Variants in ESR2 observed in about 807,000 individuals in gnomAD.
The protein encoded by ESR2 is estrogen receptor beta.
In ESR2, 36 loss-of-function variants were observed where a neutral mutation model predicts 49.6. The observed-to-expected ratio is 0.73, with a 90% CI of 0.56 to 0.96. The LOEUF (loss-of-function observed/expected upper bound fraction) is 0.96, where lower values mean the gene tolerates loss of function less well. Ranked by LOEUF, ESR2 falls within the 40% of genes least tolerant of loss-of-function variation. The pLI is 0.00. For synonymous variants in ESR2, 320 were observed against 266.1 expected, an observed-to-expected ratio of 1.20 and a Z score of -1.97; for missense variants, 714 against 693.0, an observed-to-expected ratio of 1.03 and a Z score of -0.34.
intron 7 of ESR2, among the ~76,000 whole-genome samples, chr14:64,247,081 C>G (rs992638136): frequency 6.6e-6 from 1 of 152,152 alleles, no homozygotes; most frequent in Non-Finnish European, 1.5e-5. Flanking sequence ...ATCCTGTGCT[C>G]TCTCCAGAGC....
intron 1 of ESR2, among the ~76,000 whole-genome samples, chr14:64,290,813 G>T (rs1383723057): frequency 6.6e-6 from 1 of 152,178 alleles, no homozygotes. Context: ...TAACTGATTT[G>T]CATGTAATTC....
chr14:64,281,882 C>T (rs145063815), intron 2 of ESR2, among the ~76,000 whole-genome samples: 1 of 152,318 alleles, frequency 6.6e-6, no homozygotes, highest in Non-Finnish European at 1.5e-5. Flanking sequence ...TCTTTTCATG[C>T]TTCGCATGTC....
At chr14:64,265,603 G>C (rs1409618469) in intron 4 of ESR2, among the ~76,000 whole-genome samples, 2 of 152,124 alleles carry the variant, frequency 1.3e-5, no homozygotes, top group Non-Finnish European at 2.9e-5. Context: ...AAAATATGTT[G>C]AGCTATTGTC....
At chr14:64,310,534 C>T (rs1272707989) in intron 1 of ESR2, among the ~76,000 whole-genome samples, 1 of 149,586 alleles carries the variant, frequency 6.7e-6, no homozygotes, top group Admixed American at 6.7e-5. Context: ...TGCAGTAGTA[C>T]GATCTTGGCT....
intron 3 of ESR2, among the ~76,000 whole-genome samples, chr14:64,270,925 T>G (rs1429379704): frequency 1.3e-5 from 2 of 152,246 alleles, no homozygotes; most frequent in African/African-American, 2.4e-5. Flanking sequence ...CCATGTTTGT[T>G]GCAGCATTGT....
chr14:64,269,560 C>T (rs1399888854), intron 3 of ESR2, among the ~76,000 whole-genome samples: 1 of 152,128 alleles, frequency 6.6e-6, no homozygotes, highest in African/African-American at 2.4e-5. Flanking sequence ...AATGATATAT[C>T]AATAGATGTG....
chr14:64,243,784 C>A (rs2075791986), intron 7 of ESR2, among the ~76,000 whole-genome samples: 1 of 152,114 alleles, frequency 6.6e-6, no homozygotes, highest in African/African-American at 2.4e-5. Flanking sequence ...GATTGTTTCG[C>A]CCGCTCCTTT....
chr14:64,306,709 T>C (rs1019354514), intron 1 of ESR2, among the ~76,000 whole-genome samples: 1 of 152,230 alleles, frequency 6.6e-6, no homozygotes, highest in African/African-American at 2.4e-5. Context: ...TTTTTGCACC[T>C]GTGTTCCTGA....
At chr14:64,242,028 A>T (rs1335407805) in intron 7 of ESR2, among the ~76,000 whole-genome samples, 5 of 152,164 alleles carry the variant, frequency 3.3e-5, no homozygotes, top group Non-Finnish European at 2.9e-5. Flanking sequence ...CCTTTAATGG[A>T]TTGAGGAAGT....
At chr14:64,238,891 C>T (rs549244958) in intron 7 of ESR2, among the ~76,000 whole-genome samples, 62 of 152,302 alleles carry the variant, frequency 4.1e-4, no homozygotes, top group African/African-American at 1.4e-3. Flanking sequence ...CTCACCAGCC[C>T]ACCTGGTGAC....
intron 1 of ESR2, among the ~76,000 whole-genome samples, chr14:64,290,408 A>G (rs1225361717): frequency 6.6e-6 from 1 of 151,136 alleles, no homozygotes; most frequent in African/African-American, 2.4e-5. Flanking sequence ...TTATTTATTT[A>G]TTTATTTATT....
At chr14:64,307,128 T>C (rs2077112003) in intron 1 of ESR2, among the ~76,000 whole-genome samples, 1 of 152,034 alleles carries the variant, frequency 6.6e-6, no homozygotes, top group African/African-American at 2.4e-5. Flanking sequence ...CCTTCATTCC[T>C]GATATTTGCA....
intron 1 of ESR2, chr14:64,303,724 T>C (rs937553048): frequency 7.2e-5 from 11 of 152,222 alleles, no homozygotes; most frequent in African/African-American, 2.7e-4. Context: ...TGTTGAAATA[T>C]ATAGAGAGCT....
chr14:64,329,609 T>C (rs1462560069), intron 1 of ESR2: 1 of 111,654 alleles, frequency 9.0e-6, no homozygotes, highest in Non-Finnish European at 1.7e-5. Context: ...ACCCTGCCTC[T>C]ATCAAAAAAA....
At chr14:64,255,999 T>A (rs1449221405) in intron 6 of ESR2, among the ~76,000 whole-genome samples, 4 of 152,250 alleles carry the variant, frequency 2.6e-5, no homozygotes, top group Non-Finnish European at 5.9e-5. Context: ...TCACTCTTCA[T>A]CTGTGTAACA....
At chr14:64,289,835 G>T (rs1053340220) in intron 1 of ESR2, among the ~76,000 whole-genome samples, 6 of 152,076 alleles carry the variant, frequency 3.9e-5, no homozygotes, top group Non-Finnish European at 8.8e-5. Context: ...CAGACTAGGA[G>T]GATAAGTCTA....
chr14:64,241,582 A>G (rs920792974), intron 7 of ESR2, among the ~76,000 whole-genome samples: 13 of 152,196 alleles, frequency 8.5e-5, no homozygotes, highest in Non-Finnish European at 1.5e-5. Flanking sequence ...TTTATTCAGG[A>G]TTTCTTTAAT....
At chr14:64,260,045 C>G in intron 5 of ESR2, 1 of 446,154 alleles carries the variant, frequency 2.2e-6, no homozygotes, top group Admixed American at 2.4e-5. Flanking sequence ...CCTCCCAGAC[C>G]ACCTCTAGGC....
chr14:64,232,780 T>A lies in ESR2; in HGVS notation c.*357A>T, dbSNP rs2098728487. On this transcript the variant is annotated 3_prime_UTR_variant, in exon 9 of 9. Transcript: ENST00000341099. ...TAAGCGTGTCACTTCCTCTCCCCTT[T>A]CTGATTCGCAGCCCTTCCAAGTCAG... The A allele has an allele frequency of 5.1e-6, 1 of 197,610 alleles. No homozygotes were observed. Among genetic ancestry groups the A allele is most frequent in the East Asian group, 1.2e-4 (1 of 8,334 alleles). 12.2% of individuals were successfully genotyped at this position (197,610 alleles called of 1,614,324 possible). A position where few individuals can be genotyped will look rare whatever the true frequency, so the allele number is the denominator to read the frequency against.
Sources: allele counts gnomAD v4.1 joint callset (sites outside exome capture counted in the v4.1 genomes callset), GRCh38; gene constraint gnomAD v4.1.1; transcripts MANE v1.5; gene names NCBI Gene and HGNC (gene_info 2026-07-23, HGNC 2026-07-21).